TMEFF2: variants seen among roughly 807,000 people sequenced by gnomAD.
TMEFF2 encodes the protein tomoregulin-2.
A neutral mutation model predicts 53.8 loss-of-function variants in TMEFF2; 28 were observed. The observed-to-expected ratio is 0.52, with a 90% CI of 0.39 to 0.71. The LOEUF (loss-of-function observed/expected upper bound fraction) is 0.71. TMEFF2 is among the 30% of genes least tolerant of loss of function. The pLI is 0.00. For synonymous variants in TMEFF2, 162 were observed against 166.3 expected, an observed-to-expected ratio of 0.97 and a Z score of 0.20; for missense variants, 353 against 455.2, an observed-to-expected ratio of 0.78 and a Z score of 2.04.
At chr2:191,976,524 C>CTTACAA (rs1685733475) in intron 7 of TMEFF2, among the ~76,000 whole-genome samples, 1 of 152,208 alleles carries the variant, frequency 6.6e-6, no homozygotes, top group South Asian at 2.1e-4. Context: ...AATGCCCTGG[C>CTTACAA]TTACAATTAC....
intron 4 of TMEFF2, among the ~76,000 whole-genome samples, chr2:192,081,949 C>T (rs777530087): frequency 2.6e-5 from 4 of 151,806 alleles, no homozygotes; most frequent in East Asian, 1.9e-4. Flanking sequence ...TACAGGCCCC[C>T]GCCACCATGC....
intron 4 of TMEFF2, among the ~76,000 whole-genome samples, chr2:192,123,459 T>C (rs1689607475): frequency 6.6e-6 from 1 of 152,198 alleles, no homozygotes; most frequent in African/African-American, 2.4e-5. Flanking sequence ...TGATTTGTAA[T>C]GTGTACATAG....
intron 4 of TMEFF2, among the ~76,000 whole-genome samples, chr2:192,167,950 C>G (rs1223296263): frequency 2.6e-5 from 4 of 152,056 alleles, no homozygotes; most frequent in Non-Finnish European, 4.4e-5. Flanking sequence ...TCATTCATCC[C>G]TTAATTTAAC....
rs371111185 is a variant in TMEFF2, at chr2:192,105,365, A to C, written c.440-47590T>G. 4.6e-5 allele frequency among the ~76,000 whole-genome samples: 7 copies of C among 152,096 alleles called. No individual in the cohort carries two copies. In the East Asian group the frequency reaches 1.4e-3, roughly 29 times the overall value. On this transcript the variant is annotated intron_variant, in intron 4 of 9. Coordinates refer to ENST00000272771, the MANE Select transcript of TMEFF2 (RefSeq NM_016192.4). ...AGTAATGAGCCTGTATTTTAAGCAG[A>C]TATTTTTGAAATATTATAGGTAAAA...
chr2:192,158,766 G>A (rs891930648), intron 4 of TMEFF2, among the ~76,000 whole-genome samples: 1 of 151,968 alleles, frequency 6.6e-6, no homozygotes, highest in Non-Finnish European at 1.5e-5. Flanking sequence ...ACTGAAATCA[G>A]GAATAAAAAT....
intron 2 of TMEFF2, among the ~76,000 whole-genome samples, chr2:192,186,341 G>C (rs1461529494): frequency 6.6e-6 from 1 of 152,152 alleles, no homozygotes; most frequent in Non-Finnish European, 1.5e-5. Context: ...CAAAATGCCT[G>C]TAAGATTTGA....
intron 4 of TMEFF2, among the ~76,000 whole-genome samples, chr2:192,159,273 G>C (rs1224207316): frequency 1.3e-5 from 2 of 152,056 alleles, no homozygotes; most frequent in African/African-American, 4.8e-5. Context: ...AGAGTGTTGA[G>C]GGGGGGATCA....
At chr2:192,159,323 C>A (rs1386549093) in intron 4 of TMEFF2, among the ~76,000 whole-genome samples, 3 of 152,106 alleles carry the variant, frequency 2.0e-5, no homozygotes, top group Non-Finnish European at 4.4e-5. Flanking sequence ...CTTCATTTGA[C>A]AAATAGATTG....
intron 4 of TMEFF2, among the ~76,000 whole-genome samples, chr2:192,098,530 G>A (rs930265908): frequency 1.3e-5 from 2 of 152,184 alleles, no homozygotes; most frequent in Admixed American, 1.3e-4. Flanking sequence ...TGAGATTTAC[G>A]AATAAGGGAG....
chr2:192,079,445 AT>A (rs1284390682), intron 4 of TMEFF2, among the ~76,000 whole-genome samples: 1 of 152,176 alleles, frequency 6.6e-6, no homozygotes, highest in Non-Finnish European at 1.5e-5. Flanking sequence ...TACAATGACT[AT>A]TTCTCAGAGG....
At chr2:192,113,565 C>A (rs1689333354) in intron 4 of TMEFF2, among the ~76,000 whole-genome samples, 1 of 152,076 alleles carries the variant, frequency 6.6e-6, no homozygotes, top group African/African-American at 2.4e-5. Flanking sequence ...ATAAACATAT[C>A]ACTTAATCAC....
intron 8 of TMEFF2, among the ~76,000 whole-genome samples, chr2:191,955,524 ATTTTTTTT>A (rs71405028): frequency 5.0e-5 from 3 of 60,302 alleles, no homozygotes; most frequent in South Asian, 8.7e-4. Flanking sequence ...CTAATTCTTA[ATTTTTTTT>A]TTTTTTTTTT....
At position 192,112,228 on chromosome 2, in the gene TMEFF2, G is replaced by A. The variant is rs572577671; in HGVS notation, c.440-54453C>T. ...CGCTGCATACACTCAACACTAGGCC[G>A]TGAAAGCAGCCAAGAGGGAGGCTGT... On this transcript the variant is annotated intron_variant, in intron 4 of 9. Transcript: ENST00000272771. 3.6e-4 allele frequency among the ~76,000 whole-genome samples: 55 copies of A among 152,286 alleles called. No homozygotes were observed. The South Asian group carries it at 3.7e-3, about 10-fold the overall frequency.
At chr2:192,084,829 T>G (rs1216746067) in intron 4 of TMEFF2, among the ~76,000 whole-genome samples, 1 of 152,224 alleles carries the variant, frequency 6.6e-6, no homozygotes, top group Non-Finnish European at 1.5e-5. Context: ...TAGTTTTACA[T>G]TAACATTTTA....
At chr2:191,971,070 C>T (rs1363588085) in intron 7 of TMEFF2, among the ~76,000 whole-genome samples, 1 of 152,144 alleles carries the variant, frequency 6.6e-6, no homozygotes, top group East Asian at 1.9e-4. Flanking sequence ...GCTTCTGGCA[C>T]TTCCTTAATT....
chr2:192,048,361 A>AACACACAC (rs3053696), intron 5 of TMEFF2, among the ~76,000 whole-genome samples: 8,822 of 143,150 alleles, frequency 0.062, 312 homozygotes, highest in African/African-American at 0.085. Context: ...ATTCTCATAA[A>AACACACAC]ACACACACAC....
At chr2:191,950,945 T>G (rs952857118) in intron 9 of TMEFF2, among the ~76,000 whole-genome samples, 7 of 152,232 alleles carry the variant, frequency 4.6e-5, no homozygotes, top group African/African-American at 1.7e-4. Flanking sequence ...TGGTACCAGT[T>G]ATTTAGCATC....
intron 5 of TMEFF2, among the ~76,000 whole-genome samples, chr2:192,010,127 C>T (rs968046787): frequency 6.6e-6 from 1 of 152,134 alleles, no homozygotes; most frequent in African/African-American, 2.4e-5. Flanking sequence ...CAGAGTTTAT[C>T]ATATGAAGGG....
At chr2:192,041,442 A>G (rs74684048) in intron 5 of TMEFF2, among the ~76,000 whole-genome samples, 14,837 of 152,256 alleles carry the variant, frequency 0.097, 1,368 homozygotes, top group African/African-American at 0.24. Flanking sequence ...TAGGATAGTA[A>G]TAATCAAAAA....
Sources: gnomAD v4.1 joint callset for allele counts (sites outside exome capture counted in the v4.1 genomes callset) on GRCh38, gnomAD v4.1.1 for gene constraint, MANE v1.5 for transcripts, NCBI Gene and HGNC (gene_info 2026-07-23, HGNC 2026-07-21) for gene names.